Variants in NCOA3 observed in about 807,000 individuals in gnomAD.
NCOA3 encodes the protein nuclear receptor coactivator 3, also known as CBP-interacting protein.
A neutral mutation model predicts 158.8 loss-of-function variants in NCOA3; 51 were observed. That is an observed-to-expected ratio of 0.32 (90% CI 0.26 to 0.41). NCOA3 has a LOEUF of 0.41. Ranked by LOEUF, NCOA3 falls within the 10% of genes least tolerant of loss-of-function variation. The pLI is 1.00. For missense variants in NCOA3, 1,510 were observed against 1,746.6 expected, an observed-to-expected ratio of 0.86 and a Z score of 2.41; for synonymous variants, 537 against 592.4, an observed-to-expected ratio of 0.91 and a Z score of 1.36.
At chr20:47,615,016 A>G (rs1421099816) in intron 2 of NCOA3, among the ~76,000 whole-genome samples, 3 of 152,204 alleles carry the variant, frequency 2.0e-5, no homozygotes, top group South Asian at 2.1e-4. Flanking sequence ...AAAATGCCCA[A>G]GAAACATTTG....
intron 18 of NCOA3, among the ~76,000 whole-genome samples, chr20:47,647,800 TTTTC>T (rs778125575): frequency 1.1e-4 from 17 of 152,094 alleles, no homozygotes; most frequent in Non-Finnish European, 2.2e-4. Flanking sequence ...TACCCTATTG[TTTTC>T]TTAGTCCCCA....
intron 1 of NCOA3, among the ~76,000 whole-genome samples, chr20:47,519,201 G>A (rs1430294040): frequency 6.6e-6 from 1 of 151,334 alleles, no homozygotes; most frequent in Admixed American, 6.6e-5. Context: ...TTGGGAGGCC[G>A]AGGCGGGTGG....
intron 1 of NCOA3, among the ~76,000 whole-genome samples, chr20:47,526,239 G>T: frequency 6.6e-6 from 1 of 151,492 alleles, no homozygotes; most frequent in Non-Finnish European, 1.5e-5. Context: ...TTCCTAGATG[G>T]CATGGTGGCC....
At chr20:47,609,862 C>G (rs1191119460) in intron 2 of NCOA3, among the ~76,000 whole-genome samples, 1 of 151,352 alleles carries the variant, frequency 6.6e-6, no homozygotes, top group Non-Finnish European at 1.5e-5. Flanking sequence ...TGTACTTCTC[C>G]TCCTCTTTGC....
intron 11 of NCOA3, 83 bp downstream of exon 11, chr20:47,635,796 A>G (rs2086503400): frequency 1.3e-6 from 2 of 1,484,796 alleles, no homozygotes; most frequent in Admixed American, 2.2e-5. Context: ...TGTAAAGTTA[A>G]TCTATTTTAT....
intron 1 of NCOA3, among the ~76,000 whole-genome samples, chr20:47,517,451 C>CTTTTT (rs376699406): frequency 6.2e-5 from 8 of 129,278 alleles, no homozygotes; most frequent in African/African-American, 1.3e-4. Context: ...TTTTCTTTTT[C>CTTTTT]TTTTTTTTTT....
intron 2 of NCOA3, among the ~76,000 whole-genome samples, chr20:47,590,809 T>TCAAAA (rs777553705): frequency 7.9e-5 from 12 of 151,156 alleles, no homozygotes; most frequent in Non-Finnish European, 1.6e-4. Context: ...AGACCCTGCC[T>TCAAAA]CAAAACAAAA....
intron 1 of NCOA3, among the ~76,000 whole-genome samples, chr20:47,526,524 C>T (rs889054709): frequency 2.3e-4 from 35 of 152,196 alleles, no homozygotes; most frequent in African/African-American, 8.0e-4. Context: ...CTCGGGAGGC[C>T]GAGGCTGGCG....
intron 1 of NCOA3, among the ~76,000 whole-genome samples, chr20:47,517,539 C>T (rs960229070): frequency 1.3e-5 from 2 of 150,846 alleles, no homozygotes; most frequent in Non-Finnish European, 2.9e-5. Flanking sequence ...CAACCTCTGC[C>T]TTCCGGGTTC....
At chr20:47,512,872 T>C (rs2084169440) in intron 1 of NCOA3, among the ~76,000 whole-genome samples, 1 of 152,052 alleles carries the variant, frequency 6.6e-6, no homozygotes. Context: ...AATTTGTAAA[T>C]ATTGGCTGGG....
intron 1 of NCOA3, among the ~76,000 whole-genome samples, chr20:47,532,165 T>A (rs1358407988): frequency 6.7e-6 from 1 of 149,354 alleles, no homozygotes; most frequent in African/African-American, 2.5e-5. Flanking sequence ...TTAGATATCA[T>A]GGTAAGTTTT....
rs533455539 is a variant in NCOA3 at position 47,582,505 on chromosome 20, G to A, written c.-98-678G>A. Among the ~76,000 whole-genome samples the A allele has an allele frequency of 4.6e-5, 7 of 152,258 alleles. No homozygotes were observed. The East Asian group carries it at 1.4e-3, about 29-fold the overall frequency. ...TGGGATTCGAGGCATGAGCCACTGC[G>A]CCTGGCCCTGACTTTTGTTTTTTAA... On this transcript the variant is annotated intron_variant, in intron 1 of 22. Transcript: ENST00000371998.
In NCOA3 at chr20:47,642,230, C is replaced by T; in HGVS notation, c.3098C>T (p.Ser1033Phe). Residue 1033 changes from serine to phenylalanine, a missense_variant, in exon 17 of 23, where the codon TCC becomes TTC. Physicochemically the swap from Ser to Phe is radical, Grantham distance 155 (BLOSUM62 -2). This residue lies in a region of NCOA3 where 1,017 missense variants were observed against 1,098.3 expected (regional missense o/e 0.93). Coordinates refer to ENST00000371998, the MANE Select transcript of NCOA3 (RefSeq NM_181659.3). ...TTTTCTAGGCCTCTTCTTAGGAATT[C>T]CCTGGATGATCTTGTTGGGCCACCT... ...GTQNRPLLRNSLDDLVGPPSN... is the reference protein window; with the variant it reads ...GTQNRPLLRNFLDDLVGPPSN... The T allele has an allele frequency of 6.3e-7, 1 of 1,592,264 alleles. No homozygotes were observed. The highest frequency in any genetic ancestry group is 8.5e-7 in the Non-Finnish European group (1 of 1,173,250).
At chr20:47,641,989 G>A (rs1369466671) in intron 16 of NCOA3, among the ~76,000 whole-genome samples, 13 of 152,122 alleles carry the variant, frequency 8.5e-5, no homozygotes, top group Non-Finnish European at 5.9e-5. Context: ...GGGATTGGGG[G>A]TTTAAGCTGT....
At chr20:47,607,694 T>A (rs1382497680) in intron 2 of NCOA3, among the ~76,000 whole-genome samples, 1 of 152,176 alleles carries the variant, frequency 6.6e-6, no homozygotes, top group Admixed American at 6.5e-5. Context: ...AAAAATTATT[T>A]TTTTCTCTCC....
intron 2 of NCOA3, among the ~76,000 whole-genome samples, chr20:47,616,547 T>C (rs1346976077): frequency 6.6e-6 from 1 of 152,202 alleles, no homozygotes. Flanking sequence ...ATTTAAGTAG[T>C]GTAGCATACA....
intron 17 of NCOA3, 109 bp from the exon 18 acceptor site, chr20:47,646,964 C>A: frequency 1.1e-6 from 1 of 937,830 alleles, no homozygotes; most frequent in Non-Finnish European, 1.6e-6. Flanking sequence ...CAAGCATTTA[C>A]TTAAATACTT....
At chr20:47,502,968 T>A (rs2146034174) in intron 1 of NCOA3, among the ~76,000 whole-genome samples, 1 of 152,294 alleles carries the variant, frequency 6.6e-6, no homozygotes, top group South Asian at 2.1e-4. Flanking sequence ...TCGAAACTTT[T>A]TTCCCCCTCC....
Position 47,655,556 on chromosome 20 carries a change from C to A in NCOA3, c.*2139C>A, listed in dbSNP as rs914341346. The A allele has an allele frequency of 6.6e-6, 1 of 152,572 alleles. No homozygotes were observed. Among genetic ancestry groups the A allele is most frequent in the Non-Finnish European group, 1.5e-5 (1 of 68,028 alleles). 9.5% of individuals were successfully genotyped at this position (152,572 alleles called of 1,614,324 possible). A position where few individuals can be genotyped will look rare whatever the true frequency, so the allele number is the denominator to read the frequency against. ...TTTGCCCTCTTTCCCCTACCAAGTT[C>A]AAAATATATCTAAGAAAGATTGTAA... On this transcript the variant is annotated 3_prime_UTR_variant, in exon 23 of 23. Coordinates refer to ENST00000371998, the MANE Select transcript of NCOA3 (RefSeq NM_181659.3).
Sources: gnomAD v4.1 joint callset for allele counts (sites outside exome capture counted in the v4.1 genomes callset) on GRCh38, gnomAD v4.1.1 for gene constraint, gnomAD v4.1.1 regional missense constraint, MANE v1.5 for transcripts, NCBI Gene and HGNC (gene_info 2026-07-23, HGNC 2026-07-21) for gene names.